Variants in AKAP19 observed in about 807,000 individuals in gnomAD.
AKAP19 encodes the protein A-kinase anchoring protein 19.
chr2:190,200,931 G>A, the AKAP19 span: 1 of 166,908 alleles, frequency 6.0e-6, no homozygotes, highest in Non-Finnish European at 1.5e-5. Context: ...TAGTCTGCAA[G>A]GTAGAAAGTT....
chr2:189,916,329 CTT>C, the AKAP19 span, among the ~76,000 whole-genome samples: 907 of 106,558 alleles, frequency 8.5e-3, 4 homozygotes, highest in Middle Eastern at 0.025. Context: ...TCTTTTTCTT[CTT>C]TTTTTTTTTT....
At chr2:190,082,824 A>G in the AKAP19 span, among the ~76,000 whole-genome samples, 1 of 152,206 alleles carries the variant, frequency 6.6e-6, no homozygotes, top group Admixed American at 6.5e-5. Flanking sequence ...CTTTCTCTCC[A>G]CTATAGCAGT....
chr2:190,011,770 A>C, the AKAP19 span, among the ~76,000 whole-genome samples: 2 of 152,030 alleles, frequency 1.3e-5, no homozygotes, highest in East Asian at 1.9e-4. Context: ...TGGGCTTGCT[A>C]TTCTTTTCCA....
chr2:189,993,827 C>T, the AKAP19 span, among the ~76,000 whole-genome samples: 1 of 151,996 alleles, frequency 6.6e-6, no homozygotes, highest in Admixed American at 6.6e-5. Flanking sequence ...AATGATCTTT[C>T]GTATTTCTGT....
chr2:189,985,215 C>G, the AKAP19 span, among the ~76,000 whole-genome samples: 428 of 152,318 alleles, frequency 2.8e-3, 6 homozygotes, highest in African/African-American at 9.8e-3. Context: ...TGTGGGCACT[C>G]CAACAGATCC....
At chr2:190,012,868 A>G in the AKAP19 span, among the ~76,000 whole-genome samples, 1 of 152,170 alleles carries the variant, frequency 6.6e-6, no homozygotes, top group African/African-American at 2.4e-5. Context: ...TGAGATAAAT[A>G]TATCATTTTT....
At chr2:190,074,470 G>T in the AKAP19 span, among the ~76,000 whole-genome samples, 4 of 152,190 alleles carry the variant, frequency 2.6e-5, no homozygotes, top group East Asian at 5.8e-4. Context: ...GGCCAACATG[G>T]TGAAACCCCG....
chr2:190,160,322 C>G, the AKAP19 span, among the ~76,000 whole-genome samples: 1 of 139,614 alleles, frequency 7.2e-6, no homozygotes, highest in Admixed American at 7.3e-5. Context: ...CTGGATGGCA[C>G]TAGGCTTAGA....
chr2:189,940,917 G>A, the AKAP19 span, among the ~76,000 whole-genome samples: 3 of 152,100 alleles, frequency 2.0e-5, no homozygotes, highest in African/African-American at 7.2e-5. Flanking sequence ...AAAGGCCAGA[G>A]AATACCAAAT....
At chr2:190,015,241 T>C in the AKAP19 span, among the ~76,000 whole-genome samples, 1 of 152,232 alleles carries the variant, frequency 6.6e-6, no homozygotes, top group East Asian at 1.9e-4. Flanking sequence ...AACTTCTGCC[T>C]GGACATCCAG....
the AKAP19 span, among the ~76,000 whole-genome samples, chr2:190,025,292 A>G: frequency 1.3e-5 from 2 of 152,198 alleles, no homozygotes. Flanking sequence ...TTAGCAGAGC[A>G]TACAAGGTGT....
At chr2:190,008,922 G>A in the AKAP19 span, among the ~76,000 whole-genome samples, 2 of 152,084 alleles carry the variant, frequency 1.3e-5, no homozygotes, top group African/African-American at 4.8e-5. Flanking sequence ...TTTAAATAGG[G>A]TGGTAGGGAG....
the AKAP19 span, among the ~76,000 whole-genome samples, chr2:190,016,957 G>C: frequency 6.6e-6 from 1 of 151,700 alleles, no homozygotes; most frequent in Non-Finnish European, 1.5e-5. Flanking sequence ...ATATATTTAG[G>C]TACTCTGATG....
the AKAP19 span, chr2:190,089,724 A>G: frequency 6.6e-6 from 1 of 152,192 alleles, no homozygotes; most frequent in African/African-American, 2.4e-5. Context: ...TCAAAGGTAG[A>G]CATTCAGCAA....
At chr2:190,094,855 C>T in the AKAP19 span, among the ~76,000 whole-genome samples, 1 of 152,304 alleles carries the variant, frequency 6.6e-6, no homozygotes, top group Non-Finnish European at 1.5e-5. Context: ...CAAATGATTA[C>T]TTTATCTGGA....
chr2:189,972,498 G>GT, the AKAP19 span, among the ~76,000 whole-genome samples: 1 of 152,134 alleles, frequency 6.6e-6, no homozygotes, highest in African/African-American at 2.4e-5. Flanking sequence ...CTTTGAAGTA[G>GT]TTTTTTCCAA....
At chr2:189,880,882 AC>A in the AKAP19 span, among the ~76,000 whole-genome samples, 3 of 152,188 alleles carry the variant, frequency 2.0e-5, no homozygotes, top group Non-Finnish European at 4.4e-5. Flanking sequence ...AAATGACTAG[AC>A]TTGTTCTTGG....
the AKAP19 span, among the ~76,000 whole-genome samples, chr2:189,984,422 C>T: frequency 6.6e-6 from 1 of 152,226 alleles, no homozygotes; most frequent in African/African-American, 2.4e-5. Context: ...CTGCCCAGCT[C>T]ACCGGTGGTC....
chr2:190,112,511 A>G, the AKAP19 span, among the ~76,000 whole-genome samples: 1 of 152,184 alleles, frequency 6.6e-6, no homozygotes, highest in Non-Finnish European at 1.5e-5. Flanking sequence ...TGTTTCTATT[A>G]ATATGATTTT....
Sources: allele counts gnomAD v4.1 joint callset (sites outside exome capture counted in the v4.1 genomes callset), GRCh38; gene constraint gnomAD v4.1.1; transcripts MANE v1.5; gene names NCBI Gene and HGNC (gene_info 2026-07-23, HGNC 2026-07-21).